Variants in NKD1 observed in about 807,000 individuals in gnomAD.
NKD1 encodes protein naked cuticle homolog 1.
A neutral mutation model predicts 56.0 loss-of-function variants in NKD1; 21 were observed. The observed-to-expected ratio is 0.38, with a 90% CI of 0.27 to 0.54. The LOEUF (loss-of-function observed/expected upper bound fraction) is 0.54, where lower values mean the gene tolerates loss of function less well. Among genes scored for constraint, NKD1 ranks in the 20% least tolerant of loss-of-function variants. The pLI is 0.82. For synonymous variants in NKD1, 263 were observed against 265.7 expected (o/e 0.99, Z 0.10); for missense variants, 578 against 642.7 (o/e 0.90, Z 1.09).
In NKD1 at chr16:50,633,491, A is replaced by G. The variant is rs1962395053; in HGVS notation, c.1123A>G (p.Ile375Val). Reference sequence around the variant, plus strand: ...AAACAAGCCCCCTCTGGGACCCGCCATCCCTGCGGTGTCCCCCTCCGCCCA... The same window carrying G: ...AAACAAGCCCCCTCTGGGACCCGCCGTCCCTGCGGTGTCCCCCTCCGCCCA... ...ARNKPPLGPAIPAVSPSAHLA... is the reference protein window; with the variant it reads ...ARNKPPLGPAVPAVSPSAHLA... The change falls in exon 10 of 10, where the codon ATC (isoleucine) becomes GTC (valine). Residue 375 changes from isoleucine (I) to valine (V), a missense_variant. Physicochemically the swap from Ile to Val is conservative, Grantham distance 29. Transcript: ENST00000268459. This position sits in a 1 kb window ranked among gnomAD's most constrained non-coding sequence, Gnocchi z 4.9. 1 of 1,609,858 alleles carries G rather than the reference A, an allele frequency of 6.2e-7. No homozygotes were observed. Among genetic ancestry groups the G allele is most frequent in the Non-Finnish European group, 8.5e-7 (1 of 1,178,242 alleles).
At chr16:50,611,694 C>T (rs1961852140) in intron 4 of NKD1, among the ~76,000 whole-genome samples, 1 of 152,328 alleles carries the variant, frequency 6.6e-6, no homozygotes, top group African/African-American at 2.4e-5. Context: ...TCTCTCCTCC[C>T]TTGATTCTGA....
chr16:50,636,326 T>G lies in NKD1; in HGVS notation c.*2545T>G, dbSNP rs1358950725. ...CCTCTGCCTCCCTAAGCTCCACACC[T>G]GTCAGGATTCTGTTACTTCTTGGTA... On this transcript the variant is annotated 3_prime_UTR_variant, in exon 10 of 10. Coordinates refer to ENST00000268459, the MANE Select transcript of NKD1 (RefSeq NM_033119.5). 6 of 152,232 alleles carry G rather than the reference T, an allele frequency of 3.9e-5. No homozygotes were observed. Among genetic ancestry groups the G allele is most frequent in the African/African-American group, 1.4e-4 (6 of 41,462 alleles). 9.4% of individuals were successfully genotyped at this position (152,232 alleles called of 1,614,324 possible). A position where few individuals can be genotyped will look rare whatever the true frequency, so the allele number is the denominator to read the frequency against.
intron 4 of NKD1, among the ~76,000 whole-genome samples, chr16:50,612,767 G>T (rs1304736779): frequency 6.6e-6 from 1 of 152,198 alleles, no homozygotes. Context: ...GGCCGATGTG[G>T]CATCAGGAAT....
In NKD1 at chr16:50,633,273, C is replaced by G; in HGVS notation, c.905C>G (p.Ala302Gly). 6.8e-6 allele frequency: 11 copies of G among 1,614,148 alleles called. No individual in the cohort carries two copies. Among genetic ancestry groups the G allele is most frequent in the African/African-American group, 1.3e-5 (1 of 75,054 alleles). ...CGATCTCGCTCCCATGAGCCGGAAG[C>G]CATCCACATCCCACACCGAAAGCCC... ...PTRSRSHEPE[A>G]IHIPHRKPQG... The change falls in exon 10 of 10, where the codon GCC (alanine) becomes GGC (glycine). Residue 302 changes from alanine to glycine, a missense_variant. Physicochemically the swap from Ala to Gly is moderately conservative, Grantham distance 60. Transcript: ENST00000268459. This position sits in a 1 kb window ranked among gnomAD's most constrained non-coding sequence, Gnocchi z 4.9.
chr16:50,568,735 C>A lies in NKD1; in HGVS notation c.192+19180C>A, dbSNP rs202140908. Among the ~76,000 whole-genome samples the A allele has an allele frequency of 2.6e-5, 4 of 152,170 alleles. No homozygotes were observed. In the East Asian group the frequency reaches 7.7e-4, roughly 29 times the overall value. ...TTGAGCTCCAGTCAGCACCTCTGTA[C>A]ATGGAAGGGACTGTTCTTTCTTGGA... On this transcript the variant is annotated intron_variant, in intron 3 of 9. Coordinates refer to ENST00000268459, the MANE Select transcript of NKD1 (RefSeq NM_033119.5).
intron 3 of NKD1, among the ~76,000 whole-genome samples, chr16:50,554,696 G>A (rs944306945): frequency 7.2e-5 from 11 of 152,104 alleles, no homozygotes; most frequent in Admixed American, 2.0e-4. Flanking sequence ...GTGCAGTGGC[G>A]TCATAGCTCA....
chr16:50,563,129 C>T (rs917045756), intron 3 of NKD1, among the ~76,000 whole-genome samples: 1 of 152,156 alleles, frequency 6.6e-6, no homozygotes, highest in Non-Finnish European at 1.5e-5. Flanking sequence ...TAGAATGTGA[C>T]CACTGGGACT....
At chr16:50,630,587 G>A (rs932807800) in intron 7 of NKD1, among the ~76,000 whole-genome samples, 5 of 152,002 alleles carry the variant, frequency 3.3e-5, no homozygotes, top group African/African-American at 7.3e-5. Context: ...GCAGCATGGC[G>A]TCTGCAAGCC....
chr16:50,586,936 T>A (rs1256573436), intron 3 of NKD1, among the ~76,000 whole-genome samples: 1 of 152,194 alleles, frequency 6.6e-6, no homozygotes, highest in Non-Finnish European at 1.5e-5. Context: ...GGAGTCATTC[T>A]CTCCCTGTCT....
chr16:50,639,728 G>A lies in NKD1; in HGVS notation c.*5947G>A, dbSNP rs754103438. 1 of 152,206 alleles carries A rather than the reference G, an allele frequency of 6.6e-6. No individual in the cohort carries two copies. Among genetic ancestry groups the A allele is most frequent in the Non-Finnish European group, 1.5e-5 (1 of 68,052 alleles). 9.4% of individuals were successfully genotyped at this position (152,206 alleles called of 1,614,324 possible). A position where few individuals can be genotyped will look rare whatever the true frequency, so the allele number is the denominator to read the frequency against. On this transcript the variant is annotated 3_prime_UTR_variant, in exon 10 of 10. Coordinates refer to ENST00000268459, the MANE Select transcript of NKD1 (RefSeq NM_033119.5). ...TCTCCTCCCTCATCCTAAAATTACA[G>A]ATGGCGAAAGATGGCCACATTTAGT...
intron 3 of NKD1, among the ~76,000 whole-genome samples, chr16:50,558,908 T>TCAAA (rs3037656): frequency 0.14 from 21,494 of 151,212 alleles, 1,927 homozygotes; most frequent in Middle Eastern, 0.22. Context: ...AAACTCTGTC[T>TCAAA]CAAACAAACA....
At chr16:50,630,746 G>A in intron 7 of NKD1, 80 bp from the exon 8 acceptor site, 1 of 1,274,380 alleles carries the variant, frequency 7.8e-7, no homozygotes, top group South Asian at 1.4e-5. Flanking sequence ...TTGCAAAGCA[G>A]CTGCACGCCA....
Position 50,648,598 on chromosome 16 carries a change from A to G in NKD1, c.*14817A>G, listed in dbSNP as rs558960788. ...CCCTCTGCCCTTGGATTCTGTGCAC[A>G]GGAAGCTAGTTGCTCCCCTGAATAC... On this transcript the variant is annotated 3_prime_UTR_variant, in exon 10 of 10. Coordinates refer to ENST00000268459, the MANE Select transcript of NKD1 (RefSeq NM_033119.5). 1.3e-5 allele frequency: 2 copies of G among 152,322 alleles called. No homozygotes were observed. Among genetic ancestry groups the G allele is most frequent in the African/African-American group, 4.8e-5 (2 of 41,570 alleles). The allele number at this position is 152,322 out of a possible 1,614,324, so 9.4% of individuals were successfully genotyped here. A position where few individuals can be genotyped will look rare whatever the true frequency, so the allele number is the denominator to read the frequency against.
chr16:50,574,252 C>G (rs1960945024), intron 3 of NKD1: 2 of 985,216 alleles, frequency 2.0e-6, no homozygotes, highest in Non-Finnish European at 2.4e-6. Flanking sequence ...CTTGTCTTGC[C>G]CAACCTCCTA....
At chr16:50,584,783 G>A (rs563249833) in intron 3 of NKD1, among the ~76,000 whole-genome samples, 76 of 152,332 alleles carry the variant, frequency 5.0e-4, no homozygotes, top group African/African-American at 1.8e-3. Context: ...GGATAAACAA[G>A]GGTCTCTTTC....
chr16:50,608,680 A>G (rs1391478641), intron 4 of NKD1, among the ~76,000 whole-genome samples: 1 of 152,214 alleles, frequency 6.6e-6, no homozygotes, highest in East Asian at 1.9e-4. Context: ...GTAGCTGCTC[A>G]GAGTGATGTG....
chr16:50,606,666 C>G (rs1473842527), intron 3 of NKD1: 1 of 416,528 alleles, frequency 2.4e-6, no homozygotes, highest in Non-Finnish European at 5.0e-6. Flanking sequence ...AGTAAAAAGA[C>G]ACGAGTACTC....
At chr16:50,612,885 A>AG (rs1198998316) in intron 4 of NKD1, among the ~76,000 whole-genome samples, 1 of 152,064 alleles carries the variant, frequency 6.6e-6, no homozygotes, top group African/African-American at 2.4e-5. Flanking sequence ...TTAAGAAGTT[A>AG]ATTCTGGCTT....
In NKD1 at chr16:50,548,517, A is replaced by C; in HGVS notation, c.-37A>C. ...GGCGCCAGGCCCGCGGGCCGGGCGC[A>C]TGGCTTAGGGACGCTCCCGGCCGCC... On this transcript the variant is annotated 5_prime_UTR_variant, in exon 1 of 10. The change abolishes an upstream ATG in the 5' untranslated region. Transcript: ENST00000268459. The C allele has an allele frequency of 1.4e-6, 2 of 1,383,288 alleles. No individual in the cohort carries two copies. The highest frequency in any genetic ancestry group is 9.4e-7 in the Non-Finnish European group (1 of 1,064,506). 85.7% of individuals were successfully genotyped at this position (1,383,288 alleles called of 1,614,324 possible). A position where few individuals can be genotyped will look rare whatever the true frequency, so the allele number is the denominator to read the frequency against.
Sources: allele counts gnomAD v4.1 joint callset (sites outside exome capture counted in the v4.1 genomes callset), GRCh38; gene constraint gnomAD v4.1.1; non-coding constraint Gnocchi (gnomAD v3.1); transcripts MANE v1.5; gene names NCBI Gene and HGNC (gene_info 2026-07-23, HGNC 2026-07-21).